The following VPS13B variants were observed in gnomAD, a reference collection of about 807,000 sequenced individuals.
VPS13B encodes vacuolar protein sorting 13 homolog B.
In VPS13B, 285 loss-of-function variants were observed where a neutral mutation model predicts 426.4. The ratio of observed to expected loss-of-function variants is 0.67; its 90% confidence interval spans 0.61 to 0.74. VPS13B has a LOEUF of 0.74. VPS13B is among the 30% of genes least tolerant of loss of function. VPS13B has a pLI of 0.00. For missense variants in VPS13B, 4,537 were observed against 4,782.6 expected, an observed-to-expected ratio of 0.95 and a Z score of 1.51; for synonymous variants, 1,676 against 1,676.4, an observed-to-expected ratio of 1.00 and a Z score of 0.01.
At chr8:99,716,908 C>G (rs536936063) in intron 36 of VPS13B, among the ~76,000 whole-genome samples, 3 of 152,156 alleles carry the variant, frequency 2.0e-5, no homozygotes, top group Non-Finnish European at 4.4e-5. Flanking sequence ...GAAAATGTCT[C>G]TACTCATAAA....
At position 99,200,967 on chromosome 8, in the gene VPS13B, G is replaced by A. The variant is rs553962604; in HGVS notation, c.2515+7910G>A. Among the ~76,000 whole-genome samples, 5 of 151,218 alleles carry A rather than the reference G, an allele frequency of 3.3e-5. No individual in the cohort carries two copies. The South Asian group carries it at 1.1e-3, about 32-fold the overall frequency. On this transcript the variant is annotated intron_variant, in intron 17 of 61. Transcript: ENST00000357162. ...CCTTTGATACTGATATTGATTCTTGGTCATCATCATTACTTTTAGTCCTTT... is the reference window on the plus strand; with the variant it reads ...CCTTTGATACTGATATTGATTCTTGATCATCATCATTACTTTTAGTCCTTT...
chr8:99,792,914 A>G (rs950592090), intron 43 of VPS13B, among the ~76,000 whole-genome samples: 4 of 151,876 alleles, frequency 2.6e-5, no homozygotes, highest in African/African-American at 4.8e-5. Context: ...CAATAAAAAC[A>G]TAATAGATGG....
At chr8:99,816,823 A>G (rs1490261258) in intron 44 of VPS13B, among the ~76,000 whole-genome samples, 1 of 152,042 alleles carries the variant, frequency 6.6e-6, no homozygotes, top group Non-Finnish European at 1.5e-5. Context: ...TAAATAAATA[A>G]ACTGAATAAA....
At chr8:99,510,845 G>C (rs1490727526) in intron 28 of VPS13B, among the ~76,000 whole-genome samples, 31 of 152,088 alleles carry the variant, frequency 2.0e-4, no homozygotes, top group Admixed American at 2.0e-3. Flanking sequence ...AGAAGTCACA[G>C]AAATAGCCAC....
At chr8:99,666,986 G>A (rs981963776) in intron 35 of VPS13B, among the ~76,000 whole-genome samples, 1 of 152,072 alleles carries the variant, frequency 6.6e-6, no homozygotes, top group Non-Finnish European at 1.5e-5. Flanking sequence ...TCAAAGTTAG[G>A]AATTAAATAT....
At chr8:99,587,647 T>C (rs1382687980) in intron 33 of VPS13B, among the ~76,000 whole-genome samples, 3 of 151,770 alleles carry the variant, frequency 2.0e-5, no homozygotes, top group Non-Finnish European at 4.4e-5. Flanking sequence ...TCATATCCTT[T>C]GCCCACTTTT....
chr8:99,798,765 C>T (rs1377054676), intron 43 of VPS13B, among the ~76,000 whole-genome samples: 1 of 152,124 alleles, frequency 6.6e-6, no homozygotes, highest in East Asian at 1.9e-4. Flanking sequence ...TTTTACAAGA[C>T]ACTCAAAGCC....
At chr8:99,824,921 T>G (rs13268998) in intron 51 of VPS13B, among the ~76,000 whole-genome samples, 56,009 of 152,046 alleles carry the variant, frequency 0.37, 10,532 homozygotes, top group East Asian at 0.47. Context: ...TCTTTTTTAT[T>G]TCTGCATAGT....
chr8:99,106,502 C>T (rs557516405), intron 5 of VPS13B, among the ~76,000 whole-genome samples: 1 of 150,178 alleles, frequency 6.7e-6, no homozygotes, highest in Non-Finnish European at 1.5e-5. Flanking sequence ...AAACGACATA[C>T]CACAAAATGA....
intron 26 of VPS13B, 27 bp from the exon 27 acceptor site, chr8:99,502,809 G>T: frequency 1.4e-6 from 2 of 1,466,404 alleles, no homozygotes; most frequent in South Asian, 1.1e-5. Context: ...AGACTGTGTT[G>T]ATATTACTGC....
At position 99,610,711 on chromosome 8, in the gene VPS13B, A is replaced by G. The variant is rs567423965; in HGVS notation, c.5221-31100A>G. Among the ~76,000 whole-genome samples, 5 of 152,288 alleles carry G rather than the reference A, an allele frequency of 3.3e-5. No homozygotes were observed. In the South Asian group the frequency reaches 1.0e-3, roughly 32 times the overall value. On this transcript the variant is annotated intron_variant, in intron 33 of 61. Coordinates refer to ENST00000357162, the MANE Select transcript of VPS13B (RefSeq NM_152564.5). ...TATAACAAACCTGCACGTTCTGCAC[A>G]TGTATCCCAGAACTTAAAGTATAAT...
Position 99,134,995 on chromosome 8 carries a change from T to G in VPS13B, c.1303-20T>G. 1 of 1,613,298 alleles carries G rather than the reference T, an allele frequency of 6.2e-7. No individual in the cohort carries two copies. Among genetic ancestry groups the G allele is most frequent in the Non-Finnish European group, 8.5e-7 (1 of 1,179,406 alleles). On this transcript the variant is annotated intron_variant, in intron 9 of 61. Transcript: ENST00000357162. ...TATTAAATTCAATTCTTAGTTCTAA[T>G]GTTTCCTTTCGTCTTATAGGCCCTT...
intron 24 of VPS13B, among the ~76,000 whole-genome samples, chr8:99,470,128 T>C (rs1259470499): frequency 6.6e-6 from 1 of 152,200 alleles, no homozygotes; most frequent in Non-Finnish European, 1.5e-5. Context: ...ATGGCGGCTC[T>C]GCCTGATAGA....
At chr8:99,551,251 T>G (rs1824266100) in intron 30 of VPS13B, among the ~76,000 whole-genome samples, 1 of 137,382 alleles carries the variant, frequency 7.3e-6, no homozygotes, top group African/African-American at 2.8e-5. Flanking sequence ...CTTCAGGCAG[T>G]AACTATTTTT....
intron 39 of VPS13B, among the ~76,000 whole-genome samples, chr8:99,729,966 T>C (rs1192569034): frequency 6.6e-6 from 1 of 152,242 alleles, no homozygotes; most frequent in Non-Finnish European, 1.5e-5. Flanking sequence ...TAGCACATGA[T>C]GGCACTACAA....
intron 1 of VPS13B, 42 bp downstream of exon 1, chr8:99,013,389 G>A: frequency 3.1e-6 from 1 of 321,614 alleles, no homozygotes; most frequent in Non-Finnish European, 6.0e-6. Context: ...GAGCGGGACG[G>A]GAGGTCTTCT....
intron 19 of VPS13B, among the ~76,000 whole-genome samples, chr8:99,287,907 G>A (rs933429151): frequency 2.0e-5 from 3 of 152,040 alleles, no homozygotes; most frequent in Admixed American, 6.6e-5. Flanking sequence ...TCAATTTAGC[G>A]AAGTTTATGA....
chr8:99,530,704 C>A (rs1217654583), intron 30 of VPS13B, among the ~76,000 whole-genome samples: 8 of 151,998 alleles, frequency 5.3e-5, no homozygotes, highest in Admixed American at 5.2e-4. Flanking sequence ...GTCAAAGATT[C>A]TGTGCATTGC....
chr8:99,400,227 C>A (rs1814960739), intron 21 of VPS13B, among the ~76,000 whole-genome samples: 1 of 152,212 alleles, frequency 6.6e-6, no homozygotes, highest in African/African-American at 2.4e-5. Flanking sequence ...TCCCGTCCCA[C>A]TTTTGAACAT....
Sources: allele counts gnomAD v4.1 joint callset (sites outside exome capture counted in the v4.1 genomes callset), GRCh38; gene constraint gnomAD v4.1.1; transcripts MANE v1.5; gene names NCBI Gene and HGNC (gene_info 2026-07-23, HGNC 2026-07-21).